COL28A1: variants seen among roughly 807,000 people sequenced by gnomAD.
COL28A1 encodes collagen alpha-1(XXVIII) chain.
Under a neutral mutation model 150.2 loss-of-function variants are expected in COL28A1, and 161 were observed. The observed-to-expected ratio is 1.07, with a 90% CI of 0.94 to 1.22. The LOEUF (loss-of-function observed/expected upper bound fraction) is 1.22, where lower values mean the gene tolerates loss of function less well. Among genes scored for constraint, COL28A1 ranks in the 50% most tolerant of loss-of-function variants. The pLI is 0.00. For synonymous variants in COL28A1, 552 were observed against 469.7 expected, an observed-to-expected ratio of 1.18 and a Z score of -2.26; for missense variants, 1,617 against 1,388.3, an observed-to-expected ratio of 1.16 and a Z score of -2.62.
the COL28A1 span, among the ~76,000 whole-genome samples, chr7:7,343,320 T>C: frequency 3.3e-5 from 5 of 152,076 alleles, no homozygotes; most frequent in Non-Finnish European, 5.9e-5. Context: ...CCTTTTTTCC[T>C]TCTCAATCTA....
chr7:7,510,980 A>G, intron 9 of COL28A1, 111 bp downstream of exon 9: 1 of 822,196 alleles, frequency 1.2e-6, no homozygotes, highest in South Asian at 1.5e-5. Flanking sequence ...TGAGCCATTG[A>G]TTCCAACTCT....
upstream of COL28A1, among the ~76,000 whole-genome samples, chr7:7,537,660 T>A (rs1198823752): frequency 2.0e-5 from 3 of 152,162 alleles, no homozygotes; most frequent in Non-Finnish European, 4.4e-5. Context: ...AACGTCTGTG[T>A]TTTCACTGTC....
At chr7:7,375,157 C>A (rs970476536) in intron 31 of COL28A1, among the ~76,000 whole-genome samples, 1 of 152,176 alleles carries the variant, frequency 6.6e-6, no homozygotes, top group Non-Finnish European at 1.5e-5. Flanking sequence ...TTCGTCTCAG[C>A]TCAGGTAAAT....
At chr7:7,346,746 A>T in the COL28A1 span, among the ~76,000 whole-genome samples, 1 of 152,104 alleles carries the variant, frequency 6.6e-6, no homozygotes, top group Non-Finnish European at 1.5e-5. Context: ...AAACAAAAAT[A>T]AGCTGAAGGA....
At chr7:7,456,956 TA>T (rs1174202799) in intron 15 of COL28A1, among the ~76,000 whole-genome samples, 4 of 152,182 alleles carry the variant, frequency 2.6e-5, no homozygotes, top group Non-Finnish European at 5.9e-5. Context: ...ATGAGCCAGG[TA>T]GAAACCCAGA....
intron 4 of COL28A1, among the ~76,000 whole-genome samples, chr7:7,522,919 G>A (rs1562905756): frequency 1.3e-5 from 2 of 150,912 alleles, no homozygotes; most frequent in African/African-American, 4.9e-5. Flanking sequence ...TGGGCTGCAT[G>A]TAGCCTGTGG....
chr7:7,458,828 A>G (rs1787377720), intron 15 of COL28A1, among the ~76,000 whole-genome samples: 1 of 152,218 alleles, frequency 6.6e-6, no homozygotes, highest in Non-Finnish European at 1.5e-5. Flanking sequence ...GCCACTAGCC[A>G]AAACCCAACT....
intron 4 of COL28A1, among the ~76,000 whole-genome samples, chr7:7,523,457 C>T (rs891237203): frequency 6.0e-5 from 9 of 151,256 alleles, no homozygotes; most frequent in African/African-American, 2.0e-4. Flanking sequence ...CATGCCTGGC[C>T]GTTTTTTTTT....
chr7:7,465,043 T>C (rs1022881051), intron 15 of COL28A1, among the ~76,000 whole-genome samples: 3 of 152,200 alleles, frequency 2.0e-5, no homozygotes, highest in Admixed American at 1.3e-4. Context: ...TTTATGCGCA[T>C]AAACTAGAAA....
chr7:7,525,465 G>A (rs758379768), intron 3 of COL28A1, among the ~76,000 whole-genome samples: 1 of 152,184 alleles, frequency 6.6e-6, no homozygotes, highest in African/African-American at 2.4e-5. Flanking sequence ...TATAGAATTA[G>A]TACTTTCTTA....
At chr7:7,425,472 C>T (rs758624706) in intron 25 of COL28A1, among the ~76,000 whole-genome samples, 12 of 152,190 alleles carry the variant, frequency 7.9e-5, no homozygotes, top group Non-Finnish European at 1.5e-4. Flanking sequence ...AGGTCCCACA[C>T]GACCTGCACA....
intron 22 of COL28A1, among the ~76,000 whole-genome samples, chr7:7,436,812 G>A (rs1785377769): frequency 6.6e-6 from 1 of 152,212 alleles, no homozygotes; most frequent in Non-Finnish European, 1.5e-5. Context: ...GGCCAAGGCA[G>A]GCGGGTCACT....
chr7:7,360,143 A>G (rs2128277655), intron 34 of COL28A1, among the ~76,000 whole-genome samples: 1 of 152,346 alleles, frequency 6.6e-6, no homozygotes, highest in East Asian at 1.9e-4. Flanking sequence ...AAAATAATAA[A>G]TAAGAACTTT....
intron 25 of COL28A1, 173 bp from the exon 26 acceptor site, chr7:7,420,126 C>T (rs1207343065): frequency 1.0e-5 from 4 of 398,280 alleles, no homozygotes; most frequent in South Asian, 1.8e-4. Flanking sequence ...ACCAACAGAT[C>T]CAGGTCCATT....
chr7:7,493,923 T>C (rs1780063586), intron 11 of COL28A1, among the ~76,000 whole-genome samples: 2 of 152,104 alleles, frequency 1.3e-5, no homozygotes, highest in African/African-American at 4.8e-5. Flanking sequence ...ATTATTTCTC[T>C]ACTTTACTTT....
rs760334140 is a variant in COL28A1 at position 7,489,399 on chromosome 7, G to A, written c.1154C>T (p.Pro385Leu). 1.4e-6 allele frequency: 2 copies of A among 1,392,756 alleles called. No individual in the cohort carries two copies. The highest frequency in any genetic ancestry group is 1.2e-5 in the South Asian group (1 of 86,710). The allele number at this position is 1,392,756 out of a possible 1,614,324, so 86.3% of individuals were successfully genotyped here. Residue 385 changes from proline to leucine, a missense_variant, in exon 13 of 35, where the codon CCT becomes CTT. Physicochemically the swap from Pro to Leu is moderately conservative, Grantham distance 98. Transcript: ENST00000399429. ...ATTTTTGCTACTTACTGGCTGTCCA[G>A]GCTCACCAACTCCAATGGGTCCTGG... ...GAPGPIGVGE[P>L]GQPGPRGPEG...
intron 18 of COL28A1, among the ~76,000 whole-genome samples, chr7:7,449,176 G>A (rs1254090394): frequency 6.6e-6 from 1 of 152,042 alleles, no homozygotes; most frequent in Non-Finnish European, 1.5e-5. Context: ...TAAAAGATTA[G>A]TCAGTTGAAT....
chr7:7,477,015 T>C (rs1788943407), intron 14 of COL28A1, 97 bp downstream of exon 14: 2 of 732,248 alleles, frequency 2.7e-6, no homozygotes, highest in South Asian at 3.4e-5. Flanking sequence ...AGAAAAATAA[T>C]TAACTTCTAA....
intron 17 of COL28A1, 112 bp downstream of exon 17, chr7:7,453,328 T>A (rs1786864826): frequency 4.0e-6 from 3 of 747,314 alleles, no homozygotes; most frequent in Non-Finnish European, 7.1e-6. Flanking sequence ...TAAGTAGAGA[T>A]CTCTGATTTT....
Sources: allele counts gnomAD v4.1 joint callset (sites outside exome capture counted in the v4.1 genomes callset), GRCh38; gene constraint gnomAD v4.1.1; transcripts MANE v1.5; gene names NCBI Gene and HGNC (gene_info 2026-07-23, HGNC 2026-07-21).